Variants in FMR1NB observed in about 807,000 individuals in gnomAD.
FMR1NB encodes the protein FMR1 neighbor.
Under a neutral mutation model 16.8 loss-of-function variants are expected in FMR1NB, and 10 were observed. The observed-to-expected ratio is 0.60, with a 90% confidence interval of 0.37 to 1.01. The LOEUF is 1.01. Among genes scored for constraint, FMR1NB ranks in the 50% least tolerant of loss-of-function variants. The pLI, the probability that FMR1NB is intolerant of heterozygous loss-of-function variation, is 0.01. For synonymous variants in FMR1NB, 83 were observed against 79.1 expected, an observed-to-expected ratio of 1.05 and a Z score of -0.26; for missense variants, 205 against 204.8, an observed-to-expected ratio of 1.00 and a Z score of 0.00.
At position 148,008,654 on chromosome X, in the gene FMR1NB, C is replaced by T. The variant is rs1478800248; in HGVS notation, c.575C>T (p.Ala192Val). The change falls in exon 4 of 6, where the codon GCG becomes GTG. Residue 192 changes from alanine to valine, a missense_variant. Ala to Val is a moderately conservative substitution (Grantham distance 64, BLOSUM62 0). Transcript: ENST00000370467. Reference protein sequence around the residue: ...KQMMQMFGLGAISLILVCLPI... With the variant: ...KQMMQMFGLGVISLILVCLPI... ...ATGATGCAAATGTTTGGGCTTGGTG[C>T]GATCAGCCTTATCCTGGTATGTCTG... 1.7e-5 allele frequency: 21 copies of T among 1,209,928 alleles called. No individual in the cohort carries two copies. The highest frequency in any genetic ancestry group is 2.1e-5 in the Non-Finnish European group (19 of 895,114).
chrX:147,994,693 T>C (rs2044533044), intron 1 of FMR1NB, among the ~76,000 whole-genome samples: 1 of 112,375 alleles, frequency 8.9e-6, no homozygotes, highest in South Asian at 3.7e-4. Context: ...TCTAATTCAG[T>C]GTGATTTCTT....
chrX:148,006,804 G>T lies in FMR1NB; in HGVS notation c.500G>T (p.Gly167Val). The T allele has an allele frequency of 8.3e-7, 1 of 1,209,788 alleles. No homozygotes were observed. The highest frequency in any genetic ancestry group is 1.8e-5 in the South Asian group (1 of 56,321). ...LRHKCCFSSS[G>V]TTSFKCFAPF... ...CACAAATGCTGTTTTTCATCATCGG[G>T]GACCACGAGCTTCAAATGTTTTGCT... The change falls in exon 3 of 6, where the codon GGG (glycine) becomes GTG (valine). Residue 167 changes from glycine (G) to valine (V), a missense_variant. Transcript: ENST00000370467.
chrX:147,995,517 C>T (rs1237237680), intron 1 of FMR1NB, among the ~76,000 whole-genome samples: 1 of 111,524 alleles, frequency 9.0e-6, no homozygotes, highest in African/African-American at 3.3e-5. Context: ...GACGTACAGA[C>T]CAGTGGCATA....
chrX:148,009,497 G>A (rs1405548054), intron 4 of FMR1NB, among the ~76,000 whole-genome samples: 1 of 108,769 alleles, frequency 9.2e-6, no homozygotes, highest in African/African-American at 3.4e-5. Flanking sequence ...TGGACTACTA[G>A]CATGATGCTT....
At chrX:148,021,962 T>C (rs1366942980) in intron 4 of FMR1NB, among the ~76,000 whole-genome samples, 1 of 108,758 alleles carries the variant, frequency 9.2e-6, no homozygotes, top group East Asian at 2.9e-4. Flanking sequence ...TTGTTTCCAG[T>C]CCCCTTGTTT....
chrX:148,015,153 A>G (rs192655173), intron 4 of FMR1NB, among the ~76,000 whole-genome samples: 13 of 111,393 alleles, frequency 1.2e-4, no homozygotes, highest in Admixed American at 2.9e-4. Context: ...TTGAATTTCT[A>G]TGGTATCAGT....
At chrX:148,023,907 A>C (rs2044691397) in intron 4 of FMR1NB, among the ~76,000 whole-genome samples, 1 of 111,283 alleles carries the variant, frequency 9.0e-6, no homozygotes, top group Admixed American at 9.6e-5. Context: ...TCTGGATTTG[A>C]ATCCTGGTTC....
chrX:147,985,536 T>C lies in FMR1NB; in HGVS notation c.277+3857T>C, dbSNP rs1260042943. Reference sequence around the variant, plus strand: ...CCCTGTGTCCATGTCTTCTCATTGTTCAACTCCCACTTATGTGTGAGAACA... The same window carrying C: ...CCCTGTGTCCATGTCTTCTCATTGTCCAACTCCCACTTATGTGTGAGAACA... On this transcript the variant is annotated intron_variant, in intron 1 of 5. Transcript: ENST00000370467. Among the ~76,000 whole-genome samples the C allele has an allele frequency of 6.3e-5, 7 of 110,761 alleles. 1 individual carries two copies. The highest frequency in any genetic ancestry group is 2.3e-4 in the African/African-American group (7 of 30,418).
intron 2 of FMR1NB, among the ~76,000 whole-genome samples, chrX:148,004,418 C>T (rs920964513): frequency 3.6e-5 from 4 of 112,081 alleles, no homozygotes; most frequent in African/African-American, 1.3e-4. Flanking sequence ...ATTTCTCCAA[C>T]CTGGTGCAGG....
At chrX:148,023,957 C>A (rs1473417210) in intron 4 of FMR1NB, among the ~76,000 whole-genome samples, 2 of 111,113 alleles carry the variant, frequency 1.8e-5, no homozygotes, top group African/African-American at 6.6e-5. Flanking sequence ...AGTTACTTTC[C>A]GTCTTGGTGC....
intron 1 of FMR1NB, among the ~76,000 whole-genome samples, chrX:147,989,113 G>C (rs1405049184): frequency 2.7e-5 from 3 of 112,020 alleles, no homozygotes; most frequent in Non-Finnish European, 5.6e-5. Context: ...TTTTTGCACT[G>C]TTTTTTCCTC....
chrX:148,023,371 T>C (rs1392925093), intron 4 of FMR1NB, among the ~76,000 whole-genome samples: 3 of 112,190 alleles, frequency 2.7e-5, no homozygotes, highest in African/African-American at 9.7e-5. Flanking sequence ...AAGAATTTGT[T>C]TCTTTGCCCC....
At chrX:148,019,760 G>C (rs2044669504) in intron 4 of FMR1NB, among the ~76,000 whole-genome samples, 2 of 111,845 alleles carry the variant, frequency 1.8e-5, no homozygotes, top group South Asian at 7.5e-4. Flanking sequence ...ATCAAATGGA[G>C]TCTCTCTCTC....
intron 4 of FMR1NB, among the ~76,000 whole-genome samples, chrX:148,017,206 A>G (rs1353439801): frequency 2.7e-5 from 3 of 111,168 alleles, no homozygotes; most frequent in African/African-American, 9.8e-5. Flanking sequence ...TCTCCTGGCC[A>G]TAAGGTTTCT....
intron 4 of FMR1NB, among the ~76,000 whole-genome samples, chrX:148,021,911 T>A (rs1391775729): frequency 1.8e-5 from 2 of 109,223 alleles, no homozygotes; most frequent in African/African-American, 3.4e-5. Flanking sequence ...TTTTTTTTTT[T>A]ATCCAGCCTG....
chrX:148,004,298 T>C (rs781907125), intron 2 of FMR1NB, among the ~76,000 whole-genome samples: 1 of 112,290 alleles, frequency 8.9e-6, no homozygotes, highest in Non-Finnish European at 1.9e-5. Context: ...TTAAAGCTTA[T>C]GAAAACAACA....
At chrX:148,009,001 G>A (rs113494004) in intron 4 of FMR1NB, among the ~76,000 whole-genome samples, 15,807 of 108,546 alleles carry the variant, frequency 0.15, 1,657 homozygotes, top group African/African-American at 0.37. Flanking sequence ...CCAACATGGC[G>A]AAACCCCGTT....
intron 1 of FMR1NB, 99 bp from the exon 2 acceptor site, chrX:148,003,102 T>G: frequency 1.2e-6 from 1 of 859,397 alleles, no homozygotes; most frequent in Non-Finnish European, 1.6e-6. Context: ...CTATTTGACA[T>G]TCTATAATTA....
intron 1 of FMR1NB, among the ~76,000 whole-genome samples, chrX:147,982,601 A>G (rs1372997132): frequency 9.5e-6 from 1 of 105,415 alleles, no homozygotes; most frequent in Non-Finnish European, 2.0e-5. Context: ...AAAAAAAAAA[A>G]AAAAAAAAAA....
Sources: allele counts gnomAD v4.1 joint callset (sites outside exome capture counted in the v4.1 genomes callset), GRCh38; gene constraint gnomAD v4.1.1; transcripts MANE v1.5; gene names NCBI Gene and HGNC (gene_info 2026-07-23, HGNC 2026-07-21).